The following TRIM67 variants were observed in gnomAD, a reference collection of about 807,000 sequenced individuals.
TRIM67 encodes the protein tripartite motif containing 67, also known as tripartite motif-containing protein 67.
TRIM67 carries 39 observed loss-of-function variants against 71.0 expected under a neutral mutation model. That is an observed-to-expected ratio of 0.55 (90% CI 0.43 to 0.72). The LOEUF (loss-of-function observed/expected upper bound fraction) is 0.72, where lower values mean the gene tolerates loss of function less well. Ranked by LOEUF, TRIM67 falls within the 30% of genes least tolerant of loss-of-function variation. The pLI is 0.00. For missense variants in TRIM67, 973 were observed against 1,079.2 expected, an observed-to-expected ratio of 0.90 and a Z score of 1.38; for synonymous variants, 481 against 473.9, an observed-to-expected ratio of 1.01 and a Z score of -0.19.
At chr1:231,176,158 C>T (rs1682741594) in intron 1 of TRIM67, among the ~76,000 whole-genome samples, 1 of 152,146 alleles carries the variant, frequency 6.6e-6, no homozygotes, top group South Asian at 2.1e-4. Flanking sequence ...CAAAACAATC[C>T]ACTGGTTAAG....
At chr1:231,201,842 A>G (rs1307594669) in intron 5 of TRIM67, among the ~76,000 whole-genome samples, 1 of 152,266 alleles carries the variant, frequency 6.6e-6, no homozygotes, top group Non-Finnish European at 1.5e-5. Context: ...CATGCTCAAG[A>G]TGCGGTTGAA....
At chr1:231,165,015 G>A (rs1682413916) in intron 1 of TRIM67, among the ~76,000 whole-genome samples, 1 of 152,130 alleles carries the variant, frequency 6.6e-6, no homozygotes, top group South Asian at 2.1e-4. Context: ...ATGAAAAAAA[G>A]ATAAATATGC....
intron 1 of TRIM67, among the ~76,000 whole-genome samples, chr1:231,164,565 T>G (rs6699872): frequency 6.6e-6 from 1 of 152,072 alleles, no homozygotes; most frequent in African/African-American, 2.4e-5. Context: ...AGATGAGCAA[T>G]TGGACTCACT....
chr1:231,213,776 TG>T, intron 8 of TRIM67, 38 bp from the exon 9 acceptor site: 1 of 1,536,698 alleles, frequency 6.5e-7, no homozygotes, highest in Non-Finnish European at 8.8e-7. Context: ...CATCCCAGGC[TG>T]GGTGTGGTGA....
In TRIM67 at chr1:231,163,392, G is replaced by C. The variant is rs755932284; in HGVS notation, c.423G>C (p.Ala141=). ...CACCACCCGGCTCCTCGGCTGCGGC[G>C]GCTCGGGGTGCCGCCTGCTCCTCGC... The part of the protein sequence containing the change: ...VPAPPGSSAA[A]ARGAACSSLS... Residue 141 remains alanine (A), a synonymous_variant, in exon 1 of 10, where the codon GCG becomes GCC. Coordinates refer to ENST00000366653, the MANE Select transcript of TRIM67 (RefSeq NM_001004342.5). The C allele has an allele frequency of 3.9e-6, 6 of 1,535,252 alleles. No individual in the cohort carries two copies. The South Asian group carries it at 7.3e-5, about 19-fold the overall frequency.
Position 231,164,148 on chromosome 1 carries a change from T to A in TRIM67, c.1044+135T>A, listed in dbSNP as rs1571864521. On this transcript the variant is annotated intron_variant, in intron 1 of 9. Transcript: ENST00000366653. The stretch of plus-strand genomic sequence containing the variant: ...AGGAATTACCTCACTCATTAGCCAT[T>A]CATTCCATCAGATAGTCATTTGACA... 7.9e-6 allele frequency: 9 copies of A among 1,136,576 alleles called. 1 individual carries two copies. The highest frequency in any genetic ancestry group is 1.0e-5 in the Non-Finnish European group (9 of 871,428). 70.4% of individuals were successfully genotyped at this position (1,136,576 alleles called of 1,614,324 possible).
At position 231,209,181 on chromosome 1, in the gene TRIM67, A is replaced by T; in HGVS notation, c.2054A>T (p.Asp685Val). 1 of 1,611,502 alleles carries T rather than the reference A, an allele frequency of 6.2e-7. No homozygotes were observed. The highest frequency in any genetic ancestry group is 8.5e-7 in the Non-Finnish European group (1 of 1,178,252). Residue 685 changes from aspartate to valine, a missense_variant, in exon 8 of 10, where the codon GAC becomes GTC. Asp to Val is a radical substitution (Grantham distance 152). Coordinates refer to ENST00000366653, the MANE Select transcript of TRIM67 (RefSeq NM_001004342.5). The surrounding 1 kb of genome is among the most constrained non-coding windows in gnomAD (Gnocchi z 4.1). ...VVKDMMLGKD[D>V]KAWAMYVDNN... ...AAGGACATGATGCTGGGCAAGGATG[A>T]CAAGGCCTGGGCCATGTATGTGGAC...
At position 231,163,238 on chromosome 1, in the gene TRIM67, G is replaced by A. The variant is rs1402460482; in HGVS notation, c.269G>A (p.Gly90Asp). 1.3e-6 allele frequency: 2 copies of A among 1,501,516 alleles called. No individual in the cohort carries two copies. The highest frequency in any genetic ancestry group is 1.8e-6 in the Non-Finnish European group (2 of 1,125,220). 93.0% of individuals were successfully genotyped at this position (1,501,516 alleles called of 1,614,324 possible). ...AGGSAAGGLG[G>D]GAGGGGDHAD... ...GGGAGTGCAGCTGGCGGCCTCGGCG[G>A]CGGTGCGGGAGGTGGCGGAGACCAC... The change falls in exon 1 of 10, where the codon GGC (glycine) becomes GAC (aspartate). Residue 90 changes from glycine (G) to aspartate (D), a missense_variant. Physicochemically the swap from Gly to Asp is moderately conservative, Grantham distance 94 (BLOSUM62 -1). This residue lies in a region of TRIM67 where 795 missense variants were observed against 831.3 expected (regional missense o/e 0.96). Transcript: ENST00000366653.
intron 1 of TRIM67, among the ~76,000 whole-genome samples, chr1:231,192,581 A>C (rs973250390): frequency 6.6e-6 from 1 of 152,232 alleles, no homozygotes; most frequent in African/African-American, 2.4e-5. Flanking sequence ...CTATTCCCTG[A>C]GTGAGGAGAA....
At chr1:231,188,596 A>G (rs1683149772) in intron 1 of TRIM67, among the ~76,000 whole-genome samples, 1 of 152,220 alleles carries the variant, frequency 6.6e-6, no homozygotes, top group African/African-American at 2.4e-5. Flanking sequence ...TGCAAAGAGC[A>G]TCGACTTTGG....
chr1:231,201,576 G>A, intron 5 of TRIM67, 59 bp downstream of exon 5: 1 of 1,570,198 alleles, frequency 6.4e-7, no homozygotes. Context: ...CATGCAGTCT[G>A]AGGGGCCAGC....
intron 6 of TRIM67, among the ~76,000 whole-genome samples, chr1:231,205,689 G>C (rs1165962621): frequency 6.7e-6 from 1 of 149,180 alleles, no homozygotes; most frequent in African/African-American, 2.5e-5. Context: ...TTACACCACT[G>C]CACTCCAGCC....
At chr1:231,175,100 G>A (rs1466359387) in intron 1 of TRIM67, among the ~76,000 whole-genome samples, 1 of 152,226 alleles carries the variant, frequency 6.6e-6, no homozygotes, top group Non-Finnish European at 1.5e-5. Flanking sequence ...GGTGCAGACA[G>A]TGCAGCCATT....
At chr1:231,203,529 G>A (rs1172877360) in intron 5 of TRIM67, among the ~76,000 whole-genome samples, 2 of 152,204 alleles carry the variant, frequency 1.3e-5, no homozygotes, top group Non-Finnish European at 2.9e-5. Flanking sequence ...ATGAGTCTGA[G>A]TCAAAACCAG....
intron 5 of TRIM67, 92 bp downstream of exon 5, chr1:231,201,609 G>A: frequency 1.4e-6 from 2 of 1,439,494 alleles, no homozygotes; most frequent in Non-Finnish European, 1.9e-6. Context: ...GGAGACCTGT[G>A]ATGCACGGAG....
rs1479160932 is a variant in TRIM67, at chr1:231,204,002, G to C, written c.1670G>C (p.Gly557Ala). 6.2e-7 allele frequency: 1 copy of C among 1,613,980 alleles called. No individual in the cohort carries two copies. The highest frequency in any genetic ancestry group is 1.7e-5 in the Admixed American group (1 of 60,020). ...CTGGAGCTGGACGACGGTGCCGGGG[G>C]ACAGTTCCGGGTGAGGCCTTGCTGC... ...YILELDDGAG[G>A]QFREVYVGKE... The change falls in exon 6 of 10, where the codon GGA (glycine) becomes GCA (alanine). Residue 557 changes from glycine to alanine, a missense_variant. By Grantham distance (60) the Gly-to-Ala change is moderately conservative. Around this residue, in one of 2 missense-constraint regions of TRIM67, gnomAD observed 795 missense variants for 831.3 expected, o/e 0.96. Transcript: ENST00000366653.
At chr1:231,171,484 C>T (rs1682616376) in intron 1 of TRIM67, among the ~76,000 whole-genome samples, 1 of 152,070 alleles carries the variant, frequency 6.6e-6, no homozygotes, top group Non-Finnish European at 1.5e-5. Context: ...AATGCTTTAT[C>T]CACTCTTTAG....
Position 231,200,707 on chromosome 1 carries a change from A to G in TRIM67, c.1374+449A>G, listed in dbSNP as rs1247114042. ...TTCAGGCTGACTCAGGGTCATGAGT[A>G]TCTCTCAGGAACATGGCAGTGATTC... On this transcript the variant is annotated intron_variant, in intron 4 of 9. Coordinates refer to ENST00000366653, the MANE Select transcript of TRIM67 (RefSeq NM_001004342.5). Among the ~76,000 whole-genome samples, 6 of 152,194 alleles carry G rather than the reference A, an allele frequency of 3.9e-5. No individual in the cohort carries two copies. The East Asian group carries it at 7.7e-4, about 20-fold the overall frequency.
intron 1 of TRIM67, chr1:231,186,230 G>A: frequency 7.1e-7 from 1 of 1,411,346 alleles, no homozygotes; most frequent in Non-Finnish European, 9.6e-7. Flanking sequence ...GGAGAGACAA[G>A]AGTACATTCT....
Sources: allele counts gnomAD v4.1 joint callset (sites outside exome capture counted in the v4.1 genomes callset), GRCh38; gene constraint gnomAD v4.1.1; regional missense constraint gnomAD v4.1.1; non-coding constraint Gnocchi (gnomAD v3.1); transcripts MANE v1.5; gene names NCBI Gene and HGNC (gene_info 2026-07-23, HGNC 2026-07-21).